Variants in SLC9A8 observed in about 807,000 individuals in gnomAD.
SLC9A8 encodes solute carrier family 9 member A8.
In SLC9A8, 48 loss-of-function variants were observed where a neutral mutation model predicts 66.6. That is an observed-to-expected ratio of 0.72 (90% CI 0.57 to 0.92). SLC9A8 has a LOEUF of 0.92. SLC9A8 is among the 40% of genes least tolerant of loss of function. SLC9A8 has a pLI of 0.00. For synonymous variants in SLC9A8, 274 were observed against 282.6 expected (o/e 0.97, Z 0.31); for missense variants, 599 against 747.3 (o/e 0.80, Z 2.31).
At chr20:49,834,401 CTG>C (rs1184120052) in intron 3 of SLC9A8, among the ~76,000 whole-genome samples, 1,046 of 50,308 alleles carry the variant, frequency 0.021, 96 homozygotes, top group African/African-American at 0.054. Context: ...TATATATATA[CTG>C]TGTATATATA....
Position 49,890,141 on chromosome 20 carries a change from C to G in SLC9A8, c.*2205C>G, listed in dbSNP as rs2090008790. ...GTACCAGCACCTGCCTCGATCTCCT[C>G]TGAGCCTCTTCTGCCCCCTGTCGGC... On this transcript the variant is annotated 3_prime_UTR_variant, in exon 16 of 16. Transcript: ENST00000361573. The G allele has an allele frequency of 6.6e-6, 1 of 152,252 alleles. No individual in the cohort carries two copies. The highest frequency in any genetic ancestry group is 6.5e-5 in the Admixed American group (1 of 15,282). 9.4% of individuals were successfully genotyped at this position (152,252 alleles called of 1,614,324 possible). A position where few individuals can be genotyped will look rare whatever the true frequency, so the allele number is the denominator to read the frequency against.
chr20:49,813,943 C>T (rs906120554), intron 1 of SLC9A8, among the ~76,000 whole-genome samples: 1 of 152,208 alleles, frequency 6.6e-6, no homozygotes. Context: ...ATCTCCATAC[C>T]TGCAGGGCAG....
At chr20:49,861,932 C>A (rs1266892649) in intron 8 of SLC9A8, among the ~76,000 whole-genome samples, 1 of 152,012 alleles carries the variant, frequency 6.6e-6, no homozygotes, top group Non-Finnish European at 1.5e-5. Flanking sequence ...CTTGCCATAG[C>A]CTCAATTTCA....
chr20:49,861,044 G>A (rs1305031184), intron 8 of SLC9A8, among the ~76,000 whole-genome samples: 1 of 152,200 alleles, frequency 6.6e-6, no homozygotes, highest in Non-Finnish European at 1.5e-5. Context: ...CCTGGGTTCT[G>A]AGGGATGAAT....
intron 3 of SLC9A8, chr20:49,830,823 C>T: frequency 7.1e-7 from 1 of 1,402,416 alleles, no homozygotes; most frequent in Non-Finnish European, 1.0e-6. Context: ...TCAGGCCCAG[C>T]AGACACTCTT....
intron 2 of SLC9A8, 49 bp from the exon 3 acceptor site, chr20:49,823,012 C>A: frequency 6.8e-7 from 1 of 1,472,780 alleles, no homozygotes; most frequent in South Asian, 1.1e-5. Context: ...GTTTATCATT[C>A]AGAATTGAGT....
chr20:49,889,947 C>T lies in SLC9A8; in HGVS notation c.*2011C>T, dbSNP rs1033063617. On this transcript the variant is annotated 3_prime_UTR_variant, in exon 16 of 16. Transcript: ENST00000361573. ...AATGAAAAGAGTCAGATCCCATTTC[C>T]GTCTGCCCCCTCGTCACCAGGTGTG... 12 of 152,234 alleles carry T rather than the reference C, an allele frequency of 7.9e-5. No individual in the cohort carries two copies. The highest frequency in any genetic ancestry group is 1.2e-4 in the Non-Finnish European group (8 of 68,038). The allele number at this position is 152,234 out of a possible 1,614,324, so 9.4% of individuals were successfully genotyped here.
chr20:49,812,949 G>A lies in SLC9A8; in HGVS notation c.26+1G>A, dbSNP rs1329957681. ...TGGGGGAGAAGATGGCGGAAGAGGAGTGAGTGGGCTTTTTCCCGGGCGGCG... is the reference window on the plus strand; with the variant it reads ...TGGGGGAGAAGATGGCGGAAGAGGAATGAGTGGGCTTTTTCCCGGGCGGCG... On this transcript the variant is annotated splice_donor_variant, in intron 1 of 15. Coordinates refer to ENST00000361573, the MANE Select transcript of SLC9A8 (RefSeq NM_015266.3). LOFTEE classifies it high-confidence loss of function. 1 of 1,442,870 alleles carries A rather than the reference G, an allele frequency of 6.9e-7. No homozygotes were observed. The highest frequency in any genetic ancestry group is 9.1e-7 in the Non-Finnish European group (1 of 1,098,646). 89.4% of individuals were successfully genotyped at this position (1,442,870 alleles called of 1,614,324 possible). A position where few individuals can be genotyped will look rare whatever the true frequency, so the allele number is the denominator to read the frequency against.
chr20:49,815,022 C>A lies in SLC9A8; in HGVS notation c.41C>A (p.Thr14Lys). 1.3e-6 allele frequency: 2 copies of A among 1,579,980 alleles called. No homozygotes were observed. Among genetic ancestry groups the A allele is most frequent in the South Asian group, 2.3e-5 (2 of 87,100 alleles). The change falls in exon 2 of 16, where the codon ACA becomes AAA. Residue 14 changes from threonine to lysine, a missense_variant. Physicochemically the swap from Thr to Lys is moderately conservative, Grantham distance 78. This residue lies in a region of SLC9A8 where 132 missense variants were observed against 120.9 expected (regional missense o/e 1.09). Transcript: ENST00000361573. ...KMAEEERFPN[T>K]THEGFNVTLH... ...ATGTCCTCCAGGAGGTTCCCCAATA[C>A]AACTCATGAGGGTTTCAATGTCACC...
intron 3 of SLC9A8, among the ~76,000 whole-genome samples, chr20:49,833,260 ACTT>A (rs2087289527): frequency 6.6e-6 from 1 of 152,148 alleles, no homozygotes; most frequent in African/African-American, 2.4e-5. Context: ...GTAAGACAGC[ACTT>A]CCCTTTTTTT....
At chr20:49,863,120 C>G in intron 9 of SLC9A8, 53 bp downstream of exon 9, 8 of 1,503,104 alleles carry the variant, frequency 5.3e-6, no homozygotes, top group Non-Finnish European at 7.2e-6. Context: ...CTGATAACTT[C>G]TGTCTCTAGC....
intron 3 of SLC9A8, among the ~76,000 whole-genome samples, chr20:49,834,551 A>G (rs1293764307): frequency 6.7e-6 from 1 of 149,512 alleles, no homozygotes; most frequent in Non-Finnish European, 1.5e-5. Context: ...TGTGTGAAAT[A>G]CATTCATTTT....
intron 13 of SLC9A8, among the ~76,000 whole-genome samples, chr20:49,881,791 A>G (rs2089634007): frequency 6.6e-6 from 1 of 152,172 alleles, no homozygotes; most frequent in South Asian, 2.1e-4. Flanking sequence ...ATACATATAC[A>G]TTTATATGTG....
At chr20:49,813,498 C>T (rs1415623175) in intron 1 of SLC9A8, among the ~76,000 whole-genome samples, 1 of 152,156 alleles carries the variant, frequency 6.6e-6, no homozygotes, top group Non-Finnish European at 1.5e-5. Flanking sequence ...CATAATTAGT[C>T]AAGGTGGTTT....
At chr20:49,830,907 T>C (rs1052632505) in intron 3 of SLC9A8, 2 of 968,852 alleles carry the variant, frequency 2.1e-6, no homozygotes, top group African/African-American at 3.2e-5. Context: ...GCAAGGAAAC[T>C]TTAAGCCTGA....
At position 49,864,739 on chromosome 20, in the gene SLC9A8, G is replaced by C. The variant is rs759363309; in HGVS notation, c.853G>C (p.Val285Leu). 6.2e-7 allele frequency: 1 copy of C among 1,612,146 alleles called. No homozygotes were observed. Among genetic ancestry groups the C allele is most frequent in the Non-Finnish European group, 8.5e-7 (1 of 1,178,354 alleles). ...GTLTGLISAL[V>L]LKHIDLRKTP... is the part of the protein sequence containing the mutation. ...TCCTTCCTTGACAGTTGTCATTTACGTGCTGAAGCATATTGACTTGAGGAA... is the reference window on the plus strand; with the variant it reads ...TCCTTCCTTGACAGTTGTCATTTACCTGCTGAAGCATATTGACTTGAGGAA... The change falls in exon 10 of 16, where the codon GTG (valine) becomes CTG (leucine). Residue 285 changes from valine (V) to leucine (L), a missense_variant and splice_region_variant. Transcript: ENST00000361573.
chr20:49,853,831 C>T (rs1311419866), intron 7 of SLC9A8, among the ~76,000 whole-genome samples: 3 of 152,184 alleles, frequency 2.0e-5, no homozygotes, highest in Non-Finnish European at 4.4e-5. Context: ...GATCCGGAGG[C>T]ACTCTGGGTT....
chr20:49,886,623 C>T lies in SLC9A8; in HGVS notation c.1492-129C>T. Reference sequence around the variant, plus strand: ...CCAGGAGGCCGTCTGCTGCCCGTCACCCTGCATTGATGGTCAAGTGGAGTT... The same window carrying T: ...CCAGGAGGCCGTCTGCTGCCCGTCATCCTGCATTGATGGTCAAGTGGAGTT... On this transcript the variant is annotated intron_variant, in intron 14 of 15. Coordinates refer to ENST00000361573, the MANE Select transcript of SLC9A8 (RefSeq NM_015266.3). The surrounding 1 kb of genome is among the most constrained non-coding windows in gnomAD (Gnocchi z 4.8). 1 of 1,121,790 alleles carries T rather than the reference C, an allele frequency of 8.9e-7. No homozygotes were observed. The highest frequency in any genetic ancestry group is 2.4e-5 in the East Asian group (1 of 41,104). 69.5% of individuals were successfully genotyped at this position (1,121,790 alleles called of 1,614,324 possible). A position where few individuals can be genotyped will look rare whatever the true frequency, so the allele number is the denominator to read the frequency against.
intron 10 of SLC9A8, among the ~76,000 whole-genome samples, chr20:49,872,289 G>C (rs1306256255): frequency 2.6e-5 from 4 of 152,108 alleles, no homozygotes; most frequent in African/African-American, 9.7e-5. Flanking sequence ...GGCATTTGCT[G>C]TTTCCTAAGA....
Sources: gnomAD v4.1 joint callset for allele counts (sites outside exome capture counted in the v4.1 genomes callset) on GRCh38, gnomAD v4.1.1 for gene constraint, gnomAD v4.1.1 regional missense constraint, Gnocchi (gnomAD v3.1) non-coding constraint, MANE v1.5 for transcripts, NCBI Gene and HGNC (gene_info 2026-07-23, HGNC 2026-07-21) for gene names.